Variants in EPM2A observed in about 807,000 individuals in gnomAD.
EPM2A encodes the protein EPM2A glucan phosphatase, laforin.
In EPM2A, 21 loss-of-function variants were observed where a neutral mutation model predicts 26.5. That is an observed-to-expected ratio of 0.79 (90% CI 0.56 to 1.14). The LOEUF is 1.14. Ranked by LOEUF, EPM2A falls within the 50% of genes most tolerant of loss-of-function variation. EPM2A has a pLI of 0.00. For synonymous variants in EPM2A, 217 were observed against 177.6 expected (o/e 1.22, Z -1.76); for missense variants, 458 against 440.8 (o/e 1.04, Z -0.35).
chr6:145,482,100 GTTC>G (rs964589138), intron 4 of EPM2A, among the ~76,000 whole-genome samples: 1 of 152,242 alleles, frequency 6.6e-6, no homozygotes, highest in East Asian at 1.9e-4. Context: ...AACTAACAGA[GTTC>G]TTCTGTGTTT....
At chr6:145,641,964 G>T (rs1777116657) in intron 2 of EPM2A, among the ~76,000 whole-genome samples, 1 of 152,174 alleles carries the variant, frequency 6.6e-6, no homozygotes. Context: ...ATCCCATGAT[G>T]TAAGAGCACA....
chr6:145,515,350 T>C (rs1055778282), intron 2 of EPM2A, among the ~76,000 whole-genome samples: 12 of 152,164 alleles, frequency 7.9e-5, no homozygotes, highest in Admixed American at 2.6e-4. Context: ...TTTCTAGGTA[T>C]TGTGAACACA....
chr6:145,499,288 G>T (rs1779858924), downstream of EPM2A, among the ~76,000 whole-genome samples: 1 of 152,022 alleles, frequency 6.6e-6, no homozygotes, highest in African/African-American at 2.4e-5. Context: ...CAATTAAGTT[G>T]ATATTTTTTA....
At chr6:145,396,482 A>T (rs1259051051) in intron 4 of EPM2A, among the ~76,000 whole-genome samples, 1 of 152,218 alleles carries the variant, frequency 6.6e-6, no homozygotes, top group African/African-American at 2.4e-5. Flanking sequence ...TTTAACCTTC[A>T]TACAGAATCT....
chr6:145,438,476 T>TG, intron 4 of EPM2A, among the ~76,000 whole-genome samples: 1 of 130,048 alleles, frequency 7.7e-6, no homozygotes, highest in Non-Finnish European at 1.6e-5. Context: ...ATAATTTTTT[T>TG]TTTTTTTTTT....
At chr6:145,443,150 T>C (rs2328686) in intron 4 of EPM2A, among the ~76,000 whole-genome samples, 118,350 of 152,122 alleles carry the variant, frequency 0.78, 46,288 homozygotes, top group East Asian at 0.9. Flanking sequence ...TAATTACAGG[T>C]GTGAGCCACC....
At chr6:145,604,576 T>C (rs563192600) in intron 2 of EPM2A, among the ~76,000 whole-genome samples, 70 of 152,242 alleles carry the variant, frequency 4.6e-4, no homozygotes, top group African/African-American at 1.7e-3. Flanking sequence ...AATAATGTTT[T>C]CCCCATAAAT....
intron 2 of EPM2A, among the ~76,000 whole-genome samples, chr6:145,579,997 G>C (rs1781090712): frequency 6.6e-6 from 1 of 152,018 alleles, no homozygotes; most frequent in African/African-American, 2.4e-5. Flanking sequence ...TTACCTTAAA[G>C]CTTTGTACAT....
intron 1 of EPM2A, among the ~76,000 whole-genome samples, chr6:145,710,863 T>C (rs533424574): frequency 1.3e-5 from 2 of 150,770 alleles, no homozygotes; most frequent in South Asian, 2.1e-4. Flanking sequence ...GAGCAAAGTA[T>C]TGCAAGGACA....
At chr6:145,633,754 G>A (rs1776439710) in intron 3 of EPM2A, 1 of 152,226 alleles carries the variant, frequency 6.6e-6, no homozygotes, top group African/African-American at 2.4e-5. Context: ...AACTCCAGAT[G>A]ATCATGAACA....
chr6:145,677,370 C>G (rs918507097), intron 2 of EPM2A, among the ~76,000 whole-genome samples: 5 of 152,128 alleles, frequency 3.3e-5, no homozygotes, highest in African/African-American at 1.2e-4. Context: ...TGAAAACCGG[C>G]ACAAGACAAG....
intron 2 of EPM2A, among the ~76,000 whole-genome samples, chr6:145,651,792 G>A (rs1446718601): frequency 1.3e-5 from 2 of 152,174 alleles, no homozygotes; most frequent in African/African-American, 4.8e-5. Flanking sequence ...ATGCCCCTCA[G>A]CTACTCAGGT....
At chr6:145,428,238 A>G (rs1037704889) in intron 4 of EPM2A, among the ~76,000 whole-genome samples, 5 of 152,058 alleles carry the variant, frequency 3.3e-5, no homozygotes, top group Non-Finnish European at 7.4e-5. Flanking sequence ...AATTATTTGT[A>G]TTTAATTATT....
At chr6:145,452,489 C>CAAAAAAAAAAAAAAA (rs563777945) in intron 4 of EPM2A, among the ~76,000 whole-genome samples, 8 of 75,862 alleles carry the variant, frequency 1.1e-4, no homozygotes, top group African/African-American at 3.7e-4. Flanking sequence ...ACTAAAAATA[C>CAAAAAAAAAAAAAAA]AAAAAAAAAA....
intron 1 of EPM2A, among the ~76,000 whole-genome samples, chr6:145,717,045 C>T (rs1269600469): frequency 6.6e-6 from 1 of 152,072 alleles, no homozygotes; most frequent in African/African-American, 2.4e-5. Flanking sequence ...CACAACATTG[C>T]ATATGGGTAC....
At chr6:145,395,855 C>T (rs748848773) in intron 4 of EPM2A, among the ~76,000 whole-genome samples, 1 of 152,154 alleles carries the variant, frequency 6.6e-6, no homozygotes, top group African/African-American at 2.4e-5. Flanking sequence ...ACTGGGCAGG[C>T]TACATGGTGG....
intron 2 of EPM2A, among the ~76,000 whole-genome samples, chr6:145,526,056 G>A (rs1280487242): frequency 1.3e-5 from 2 of 152,024 alleles, no homozygotes; most frequent in Non-Finnish European, 2.9e-5. Context: ...ATGATCATAT[G>A]GGTTTTGTTT....
At chr6:145,696,917 C>T (rs1274453226) in intron 1 of EPM2A, among the ~76,000 whole-genome samples, 1 of 151,508 alleles carries the variant, frequency 6.6e-6, no homozygotes, top group East Asian at 1.9e-4. Context: ...TGAGCACCAG[C>T]CTTTCTGTAC....
downstream of EPM2A, among the ~76,000 whole-genome samples, chr6:145,620,385 T>C (rs1775607513): frequency 6.6e-6 from 1 of 152,170 alleles, no homozygotes; most frequent in Non-Finnish European, 1.5e-5. Context: ...TGCCACTCAC[T>C]TCCTGCTGTG....
Sources: allele counts gnomAD v4.1 joint callset (sites outside exome capture counted in the v4.1 genomes callset), GRCh38; gene constraint gnomAD v4.1.1; transcripts MANE v1.5; gene names NCBI Gene and HGNC (gene_info 2026-07-23, HGNC 2026-07-21).